RNF216: variants seen among roughly 807,000 people sequenced by gnomAD.
RNF216 encodes E3 ubiquitin-protein ligase RNF216.
RNF216 carries 72 observed loss-of-function variants against 110.8 expected under a neutral mutation model. The ratio of observed to expected loss-of-function variants is 0.65; its 90% CI spans 0.54 to 0.79. The LOEUF (loss-of-function observed/expected upper bound fraction) is 0.79, where lower values mean the gene tolerates loss of function less well. Ranked by LOEUF, RNF216 falls within the 30% of genes least tolerant of loss-of-function variation. The pLI is 0.00. For missense variants in RNF216, 1,342 were observed against 1,141.2 expected (o/e 1.18, Z -2.54); for synonymous variants, 495 against 407.5 (o/e 1.21, Z -2.59).
At chr7:5,626,547 T>C (rs1400262810) in intron 15 of RNF216, among the ~76,000 whole-genome samples, 2 of 151,830 alleles carry the variant, frequency 1.3e-5, no homozygotes, top group Admixed American at 6.6e-5. Flanking sequence ...TGAGATCCTA[T>C]CTCTACAAAA....
At position 5,625,851 on chromosome 7, in the gene RNF216, A is replaced by G. The variant is rs1435526332; in HGVS notation, c.2383-1726T>C. On this transcript the variant is annotated intron_variant, in intron 15 of 16. Coordinates refer to ENST00000389902, the MANE Select transcript of RNF216 (RefSeq NM_207111.4). ...TTGGTTCTATCTGCAACAGTGGATG[A>G]CACTATTAAATTCTCCTACATTCTC... 2.0e-5 allele frequency among the ~76,000 whole-genome samples: 3 copies of G among 149,238 alleles called. No individual in the cohort carries two copies. The East Asian group carries it at 5.8e-4, about 29-fold the overall frequency.
intron 11 of RNF216, chr7:5,713,361 C>G (rs1267258494): frequency 6.5e-6 from 1 of 154,208 alleles, no homozygotes; most frequent in Non-Finnish European, 1.4e-5. Context: ...TCCTGAACAG[C>G]TGGACCACAC....
chr7:5,680,206 ACT>A lies in RNF216; in HGVS notation c.2062-27698_2062-27697del, dbSNP rs1469798947. On this transcript the variant is annotated intron_variant, in intron 13 of 16. Coordinates refer to ENST00000389902, the MANE Select transcript of RNF216 (RefSeq NM_207111.4). The surrounding 1 kb of genome is among the most constrained non-coding windows in gnomAD (Gnocchi z 4.3). The stretch of plus-strand genomic sequence containing the variant: ...AACACACGCTCCCCTCTACTTTAAC[ACT>A]CTGTGTCCTCTTCCGGAAGTCTCTT... The A allele has an allele frequency of 6.6e-6, 1 of 151,442 alleles. No individual in the cohort carries two copies. Among genetic ancestry groups the A allele is most frequent in the African/African-American group, 2.4e-5 (1 of 41,138 alleles). The allele number at this position is 151,442 out of a possible 1,614,324, so 9.4% of individuals were successfully genotyped here.
chr7:5,736,481 T>C (rs1794407251), intron 5 of RNF216, among the ~76,000 whole-genome samples: 1 of 152,138 alleles, frequency 6.6e-6, no homozygotes. Context: ...AACCTCCACC[T>C]CCCAGCCGCC....
chr7:5,641,516 T>C, intron 14 of RNF216, 140 bp from the exon 15 acceptor site: 1 of 698,418 alleles, frequency 1.4e-6, no homozygotes, highest in Non-Finnish European at 2.3e-6. Flanking sequence ...AGAGCCTAGG[T>C]TTTGGAGTCT....
intron 15 of RNF216, among the ~76,000 whole-genome samples, chr7:5,634,831 C>G (rs540122721): frequency 6.6e-6 from 1 of 152,352 alleles, no homozygotes; most frequent in South Asian, 2.1e-4. Context: ...CTGTGCTGCC[C>G]TGCTTGGGAA....
intron 13 of RNF216, among the ~76,000 whole-genome samples, chr7:5,659,008 T>C (rs1788926791): frequency 6.6e-6 from 1 of 152,128 alleles, no homozygotes; most frequent in South Asian, 2.1e-4. Context: ...GAGAAGCAAC[T>C]GGAAGAGTCT....
At chr7:5,779,070 T>C (rs1429710159) in intron 1 of RNF216, among the ~76,000 whole-genome samples, 3 of 152,224 alleles carry the variant, frequency 2.0e-5, no homozygotes, top group Admixed American at 2.0e-4. Context: ...TTAACAATAA[T>C]GCAAATATAA....
chr7:5,726,436 G>C lies in RNF216; in HGVS notation c.1390-998C>G, dbSNP rs1293979648. On this transcript the variant is annotated intron_variant, in intron 7 of 16. Transcript: ENST00000389902. Reference sequence around the variant, plus strand: ...ACCTGCTTCCCCCACACTCTTCTCTGTGTGCACCTATATCCACCCCACCCT... The same window carrying C: ...ACCTGCTTCCCCCACACTCTTCTCTCTGTGCACCTATATCCACCCCACCCT... Among the ~76,000 whole-genome samples the C allele has an allele frequency of 3.3e-5, 5 of 152,210 alleles. No individual in the cohort carries two copies. The East Asian group carries it at 7.7e-4, about 23-fold the overall frequency.
chr7:5,662,305 CGGTA>C (rs1037262585), intron 13 of RNF216: 2 of 152,148 alleles, frequency 1.3e-5, no homozygotes, highest in Non-Finnish European at 2.9e-5. Context: ...GCATGTCTGG[CGGTA>C]TAGCAAAAGG....
At chr7:5,700,185 G>A (rs550175136) in intron 13 of RNF216, among the ~76,000 whole-genome samples, 1 of 152,218 alleles carries the variant, frequency 6.6e-6, no homozygotes, top group South Asian at 2.1e-4. Context: ...AAACCCTGCA[G>A]TGCTCTGTGC....
intron 3 of RNF216, 82 bp from the exon 4 acceptor site, chr7:5,741,897 TAGGAC>T: frequency 1.4e-6 from 2 of 1,448,170 alleles, no homozygotes; most frequent in Non-Finnish European, 1.8e-6. Context: ...GCTTCCGAGA[TAGGAC>T]AGGAAAGAAA....
intron 16 of RNF216, 106 bp from the exon 17 acceptor site, chr7:5,623,285 G>T: frequency 3.1e-6 from 3 of 973,618 alleles, no homozygotes; most frequent in East Asian, 2.6e-5. Context: ...GGCTCCACAT[G>T]CTGATCAAAG....
chr7:5,696,585 T>C lies in RNF216; in HGVS notation c.2061+15176A>G, dbSNP rs1791643864. On this transcript the variant is annotated intron_variant, in intron 13 of 16. Transcript: ENST00000389902. The surrounding 1 kb of genome is among the most constrained non-coding windows in gnomAD (Gnocchi z 5.4). ...CACGCGTGCCCAAGATCGTGTCCTA[T>C]GGTCTCGCTTCGGCCGCTCTTCACC... is the stretch of plus-strand genomic sequence containing the variant. Among the ~76,000 whole-genome samples the C allele has an allele frequency of 6.6e-6, 1 of 152,156 alleles. No individual in the cohort carries two copies. Among genetic ancestry groups the C allele is most frequent in the African/African-American group, 2.4e-5 (1 of 41,440 alleles).
intron 13 of RNF216, chr7:5,662,320 A>C (rs1354230616): frequency 6.6e-6 from 1 of 152,116 alleles, no homozygotes; most frequent in Non-Finnish European, 1.5e-5. Flanking sequence ...TAGCAAAAGG[A>C]AGTCCATTTT....
intron 13 of RNF216, among the ~76,000 whole-genome samples, chr7:5,658,654 CAAAAAAAA>C (rs753036691): frequency 6.7e-5 from 5 of 74,882 alleles, no homozygotes; most frequent in Non-Finnish European, 1.5e-4. Context: ...GAGACTGTCT[CAAAAAAAA>C]AAAAAAAAAA....
chr7:5,726,050 G>C (rs1199479776), intron 7 of RNF216, among the ~76,000 whole-genome samples: 3 of 152,148 alleles, frequency 2.0e-5, no homozygotes, highest in Non-Finnish European at 4.4e-5. Context: ...GATGACGGGG[G>C]TGGATCACTT....
chr7:5,649,200 C>G (rs539225778), intron 14 of RNF216, among the ~76,000 whole-genome samples: 1 of 152,026 alleles, frequency 6.6e-6, no homozygotes, highest in South Asian at 2.1e-4. Flanking sequence ...TGGCCAACCA[C>G]GGCCGACAAA....
chr7:5,659,631 G>T lies in RNF216; in HGVS notation c.2062-7121C>A, dbSNP rs144447272. Among the ~76,000 whole-genome samples, 196 of 152,348 alleles carry T rather than the reference G, an allele frequency of 1.3e-3. 1 individual carries two copies. The highest frequency in any genetic ancestry group is 4.4e-3 in the African/African-American group (185 of 41,574). On this transcript the variant is annotated intron_variant, in intron 13 of 16. Coordinates refer to ENST00000389902, the MANE Select transcript of RNF216 (RefSeq NM_207111.4). ...GCTGCTACTGTTAAAGGGATGGTTT[G>T]CTGGGGTTGTAGGACCTTGCAGCAC...
Sources: allele counts gnomAD v4.1 joint callset (sites outside exome capture counted in the v4.1 genomes callset), GRCh38; gene constraint gnomAD v4.1.1; non-coding constraint Gnocchi (gnomAD v3.1); transcripts MANE v1.5; gene names NCBI Gene and HGNC (gene_info 2026-07-23, HGNC 2026-07-21).